The following SPOCK1 variants were observed in gnomAD, a reference collection of about 807,000 sequenced individuals.
SPOCK1 encodes SPARC (osteonectin), cwcv and kazal like domains proteoglycan 1.
Under a neutral mutation model 55.3 loss-of-function variants are expected in SPOCK1, and 23 were observed. That is an observed-to-expected ratio of 0.42 (90% CI 0.30 to 0.59). SPOCK1 has a LOEUF of 0.59. Among genes scored for constraint, SPOCK1 ranks in the 20% least tolerant of loss-of-function variants. The pLI is 0.22. For missense variants in SPOCK1, 499 were observed against 552.5 expected (o/e 0.90, Z 0.97); for synonymous variants, 226 against 221.0 (o/e 1.02, Z -0.20).
chr5:137,205,734 G>A (rs1207218798), intron 3 of SPOCK1, among the ~76,000 whole-genome samples: 2 of 152,198 alleles, frequency 1.3e-5, no homozygotes. Flanking sequence ...AGACTGAAGA[G>A]CATCTCTGTG....
chr5:137,201,332 G>A (rs981943330), intron 3 of SPOCK1, among the ~76,000 whole-genome samples: 10 of 152,190 alleles, frequency 6.6e-5, no homozygotes, highest in South Asian at 2.1e-4. Flanking sequence ...ACTCTGGAAC[G>A]ATGTTAGGAT....
At chr5:137,196,841 C>A (rs1405806343) in intron 3 of SPOCK1, among the ~76,000 whole-genome samples, 1 of 152,212 alleles carries the variant, frequency 6.6e-6, no homozygotes, top group Non-Finnish European at 1.5e-5. Context: ...GTGCCCCCTG[C>A]ACAATATGAG....
intron 3 of SPOCK1, among the ~76,000 whole-genome samples, chr5:137,238,586 T>C (rs1756227790): frequency 6.6e-6 from 1 of 152,066 alleles, no homozygotes; most frequent in Non-Finnish European, 1.5e-5. Flanking sequence ...GAAAGGCAAA[T>C]ATTGCACAAA....
chr5:137,170,606 TCTCTCTC>T (rs1754738360), intron 3 of SPOCK1, among the ~76,000 whole-genome samples: 7 of 151,524 alleles, frequency 4.6e-5, no homozygotes, highest in Admixed American at 1.3e-4. Flanking sequence ...TCTCTCTCTC[TCTCTCTC>T]TCTCTCTCTG....
chr5:137,442,966 AATG>A (rs1165596211), intron 2 of SPOCK1, among the ~76,000 whole-genome samples: 1 of 152,130 alleles, frequency 6.6e-6, no homozygotes, highest in Non-Finnish European at 1.5e-5. Context: ...TGGCACCTGT[AATG>A]CTCAAGTTCC....
rs564503372 is a variant in SPOCK1, at chr5:137,487,129, T to C, written c.186+11244A>G. On this transcript the variant is annotated intron_variant, in intron 2 of 10. Coordinates refer to ENST00000394945, the MANE Select transcript of SPOCK1 (RefSeq NM_004598.4). ...TTTTCTTCCTCTTGGCAATTTTTTTTAATCAATTTTAGGTGCCATGAATTT... is the reference window on the plus strand; with the variant it reads ...TTTTCTTCCTCTTGGCAATTTTTTTCAATCAATTTTAGGTGCCATGAATTT... 2.0e-5 allele frequency among the ~76,000 whole-genome samples: 3 copies of C among 152,164 alleles called. No homozygotes were observed. In the South Asian group the frequency reaches 6.2e-4, roughly 32 times the overall value.
At chr5:137,460,555 G>A (rs1753465513) in intron 2 of SPOCK1, among the ~76,000 whole-genome samples, 1 of 152,160 alleles carries the variant, frequency 6.6e-6, no homozygotes, top group African/African-American at 2.4e-5. Context: ...CAGGCTCCAG[G>A]ATGAATATTG....
At chr5:137,188,181 C>T (rs531001959) in intron 3 of SPOCK1, among the ~76,000 whole-genome samples, 2 of 152,320 alleles carry the variant, frequency 1.3e-5, no homozygotes, top group East Asian at 1.9e-4. Context: ...ACGTATGTGG[C>T]CCCATTCTTC....
chr5:137,363,556 C>G (rs1416044822), intron 2 of SPOCK1, among the ~76,000 whole-genome samples: 1 of 152,178 alleles, frequency 6.6e-6, no homozygotes, highest in Non-Finnish European at 1.5e-5. Context: ...CCAACCTGCT[C>G]TAAAAGCTTC....
At chr5:137,171,107 A>G (rs1033095647) in intron 3 of SPOCK1, among the ~76,000 whole-genome samples, 3 of 152,154 alleles carry the variant, frequency 2.0e-5, no homozygotes, top group African/African-American at 7.2e-5. Flanking sequence ...GAACTCAAAC[A>G]TAAGCAAGCC....
At chr5:137,434,793 G>T (rs1580925369) in intron 2 of SPOCK1, among the ~76,000 whole-genome samples, 1 of 151,976 alleles carries the variant, frequency 6.6e-6, no homozygotes, top group African/African-American at 2.4e-5. Flanking sequence ...GAGCCACCAC[G>T]CCCGGCCTCC....
intron 2 of SPOCK1, among the ~76,000 whole-genome samples, chr5:137,336,507 T>C (rs1483559279): frequency 2.0e-5 from 3 of 152,184 alleles, no homozygotes; most frequent in African/African-American, 7.2e-5. Context: ...TTGCTGCCAA[T>C]GTACCTGGTA....
intron 6 of SPOCK1, among the ~76,000 whole-genome samples, chr5:137,002,129 A>C (rs563259761): frequency 3.3e-5 from 5 of 152,304 alleles, no homozygotes; most frequent in Admixed American, 2.6e-4. Context: ...TTTAAAAAGC[A>C]ATCTTTGGAA....
chr5:137,440,676 G>A (rs997687098), intron 2 of SPOCK1, among the ~76,000 whole-genome samples: 1 of 152,156 alleles, frequency 6.6e-6, no homozygotes, highest in Non-Finnish European at 1.5e-5. Flanking sequence ...GATATAAATG[G>A]AAATTGTGTC....
In SPOCK1 at chr5:136,978,658, C is replaced by G. The variant is rs747973838; in HGVS notation, c.1316G>C (p.Trp439Ser). ...GTGTCCTCTTTCTTGTGGGCACTAC[C>G]ATATGTACCCGACCTCATCCTCTTT... ...DDKEDEVGYI[W>S] The change falls in exon 11 of 11, where the codon TGG (tryptophan) becomes TCG (serine). Residue 439 changes from tryptophan (W) to serine (S), a missense_variant. By Grantham distance (177) the Trp-to-Ser change is radical (BLOSUM62 -3). Around this residue, in one of 3 missense-constraint regions of SPOCK1, gnomAD observed 83 missense variants for 87.5 expected, o/e 0.95. Transcript: ENST00000394945. 4.4e-6 allele frequency: 7 copies of G among 1,603,138 alleles called. No individual in the cohort carries two copies. The highest frequency in any genetic ancestry group is 6.0e-6 in the Non-Finnish European group (7 of 1,176,072).
chr5:137,137,101 C>G (rs1288249768), intron 4 of SPOCK1, among the ~76,000 whole-genome samples: 1 of 152,216 alleles, frequency 6.6e-6, no homozygotes, highest in Non-Finnish European at 1.5e-5. Context: ...GAAATTCTCT[C>G]ACTGACGTGC....
chr5:137,318,422 T>C (rs1757921506), intron 2 of SPOCK1, among the ~76,000 whole-genome samples: 1 of 152,176 alleles, frequency 6.6e-6, no homozygotes. Flanking sequence ...AGAATTCCTA[T>C]TTCCAGGTAG....
intron 2 of SPOCK1, among the ~76,000 whole-genome samples, chr5:137,306,608 TAA>T (rs1757704430): frequency 6.6e-6 from 1 of 152,150 alleles, no homozygotes; most frequent in African/African-American, 2.4e-5. Flanking sequence ...TGATGTCATA[TAA>T]AGAGACAACC....
intron 6 of SPOCK1, among the ~76,000 whole-genome samples, chr5:137,005,771 G>A (rs1228703508): frequency 6.6e-6 from 1 of 151,948 alleles, no homozygotes; most frequent in Non-Finnish European, 1.5e-5. Context: ...AGAGACAAAG[G>A]AAACCCTATA....
Sources: allele counts gnomAD v4.1 joint callset (sites outside exome capture counted in the v4.1 genomes callset), GRCh38; gene constraint gnomAD v4.1.1; regional missense constraint gnomAD v4.1.1; transcripts MANE v1.5; gene names NCBI Gene and HGNC (gene_info 2026-07-23, HGNC 2026-07-21).